CLN8: variants seen among roughly 807,000 people sequenced by gnomAD.
CLN8 encodes protein CLN8.
Under a neutral mutation model 15.7 loss-of-function variants are expected in CLN8, and 14 were observed. The ratio of observed to expected loss-of-function variants is 0.89; its 90% CI spans 0.59 to 1.39. CLN8 has a LOEUF of 1.39. Ranked by LOEUF, CLN8 falls within the 40% of genes most tolerant of loss-of-function variation. The pLI is 0.00. For synonymous variants in CLN8, 188 were observed against 151.0 expected (o/e 1.25, Z -1.80); for missense variants, 415 against 364.0 (o/e 1.14, Z -1.14).
rs201327850 is a variant in CLN8, at chr8:1,771,241, T to C, written c.187T>C (p.Phe63Leu). 9.9e-6 allele frequency: 16 copies of C among 1,613,666 alleles called. No homozygotes were observed. ...TTCTTTGGTGGCCAGAGAGAAGGTC[T>C]TCTGGGACCTGGCGGCCACGCGTGC... ...YRSLVAREKVFWDLAATRAVF... is the reference protein window; with the variant it reads ...YRSLVAREKVLWDLAATRAVF... The change falls in exon 2 of 3, where the codon TTC (phenylalanine) becomes CTC (leucine). Residue 63 changes from phenylalanine to leucine, a missense_variant. By Grantham distance (22) the Phe-to-Leu change is conservative (BLOSUM62 0). Coordinates refer to ENST00000331222, the MANE Select transcript of CLN8 (RefSeq NM_018941.4).
At chr8:1,779,753 C>T (rs1801649665) in intron 2 of CLN8, among the ~76,000 whole-genome samples, 2 of 152,190 alleles carry the variant, frequency 1.3e-5, no homozygotes, top group South Asian at 4.1e-4. Flanking sequence ...TGTGTCCTAG[C>T]ATGGAGGAGG....
rs756041356 is a variant in CLN8 at position 1,771,094 on chromosome 8, T to G, written c.40T>G (p.Phe14Val). The G allele has an allele frequency of 6.2e-7, 1 of 1,614,036 alleles. No individual in the cohort carries two copies. The highest frequency in any genetic ancestry group is 8.5e-7 in the Non-Finnish European group (1 of 1,180,030). ...CGATGGGGGCACATCAGAGAGCATT[T>G]TTGACCTGGACTATGCATCCTGGGG... ...ASDGGTSESIFDLDYASWGIR... is the reference protein window; with the variant it reads ...ASDGGTSESIVDLDYASWGIR... The change falls in exon 2 of 3, where the codon TTT becomes GTT. Residue 14 changes from phenylalanine (F) to valine (V), a missense_variant. Phe to Val is a conservative substitution (Grantham distance 50). Transcript: ENST00000331222.
At position 1,780,721 on chromosome 8, in the gene CLN8, G is replaced by GAAGT; in HGVS notation, c.*156_*159dup. ...TTTCTTTCGCATTAGTATTAATTTT[G>GAAGT]AAGTAGCTACAAAGTATTTTTAAGA... On this transcript the variant is annotated 3_prime_UTR_variant, in exon 3 of 3. Coordinates refer to ENST00000331222, the MANE Select transcript of CLN8 (RefSeq NM_018941.4). 2 of 696,744 alleles carry GAAGT rather than the reference G, an allele frequency of 2.9e-6. No individual in the cohort carries two copies. The highest frequency in any genetic ancestry group is 4.7e-6 in the Non-Finnish European group (2 of 423,104). The allele number at this position is 696,744 out of a possible 1,614,324, so 43.2% of individuals were successfully genotyped here.
intron 1 of CLN8, chr8:1,764,275 C>G (rs1790295325): frequency 6.6e-6 from 1 of 152,244 alleles, no homozygotes; most frequent in African/African-American, 2.4e-5. Flanking sequence ...CCTGCCTGCG[C>G]GGGTTGGGCG....
upstream of CLN8, among the ~76,000 whole-genome samples, chr8:1,753,442 G>T (rs1331323517): frequency 6.6e-6 from 1 of 151,734 alleles, no homozygotes; most frequent in East Asian, 1.9e-4. Context: ...ATGGTGGCAG[G>T]CACCTGTAAT....
upstream of CLN8, chr8:1,759,696 G>A (rs1800747697): frequency 6.6e-6 from 1 of 152,212 alleles, no homozygotes; most frequent in Non-Finnish European, 1.5e-5. Context: ...ATCTGCGGGA[G>A]TCCAGAGACC....
intron 1 of CLN8, among the ~76,000 whole-genome samples, chr8:1,769,504 G>A (rs1294699110): frequency 6.6e-6 from 1 of 152,170 alleles, no homozygotes. Context: ...CGCTGGGTGT[G>A]AGTGACAAGA....
At chr8:1,769,076 T>G (rs530099322) in intron 1 of CLN8, among the ~76,000 whole-genome samples, 1 of 152,328 alleles carries the variant, frequency 6.6e-6, no homozygotes, top group Admixed American at 6.5e-5. Context: ...GTACCAGTGC[T>G]GTCTTTCCCC....
chr8:1,771,460 G>C lies in CLN8; in HGVS notation c.406G>C (p.Val136Leu). ...LIFRTFDLFL[V>L]IHHLFAFLGF... is the part of the protein sequence containing the mutation. The stretch of plus-strand genomic sequence containing the variant: ...CTTCCGGACATTTGACTTGTTTCTG[G>C]TTATCCACCATCTCTTTGCCTTTCT... Residue 136 changes from valine (V) to leucine (L), a missense_variant, in exon 2 of 3, where the codon GTT becomes CTT. Physicochemically the swap from Val to Leu is conservative, Grantham distance 32 (BLOSUM62 1). Transcript: ENST00000331222. The C allele has an allele frequency of 6.2e-7, 1 of 1,614,168 alleles. No homozygotes were observed.
Position 1,777,004 on chromosome 8 carries a change from G to A in CLN8, c.544-3246G>A, listed in dbSNP as rs141453467. On this transcript the variant is annotated intron_variant, in intron 2 of 2. Transcript: ENST00000331222. ...GATACCGTTCCATGTACAGTCATAC[G>A]TTGCTTAACGACGGGCTGTGTTCTG... Among the ~76,000 whole-genome samples, 547 of 152,316 alleles carry A rather than the reference G, an allele frequency of 3.6e-3. 3 individuals carry two copies. The highest frequency in any genetic ancestry group is 5.4e-3 in the Non-Finnish European group (367 of 68,042).
chr8:1,763,205 G>A (rs1323998565), upstream of CLN8: 1 of 151,938 alleles, frequency 6.6e-6, no homozygotes, highest in Non-Finnish European at 1.5e-5. Context: ...GGCTCTTCTG[G>A]AGAACGGCGC....
intron 1 of CLN8, among the ~76,000 whole-genome samples, chr8:1,770,688 C>T (rs1007071744): frequency 6.6e-6 from 1 of 152,116 alleles, no homozygotes; most frequent in Non-Finnish European, 1.5e-5. Flanking sequence ...AGCATAGGAC[C>T]GTGTGTTCCT....
intron 1 of CLN8, among the ~76,000 whole-genome samples, chr8:1,757,640 T>C (rs771520368): frequency 2.0e-5 from 3 of 152,042 alleles, no homozygotes; most frequent in Non-Finnish European, 4.4e-5. Context: ...AAGGTTTCAC[T>C]AGCCTGGTCA....
Position 1,780,404 on chromosome 8 carries a change from T to C in CLN8, c.698T>C (p.Leu233Pro). Residue 233 changes from leucine to proline, a missense_variant, in exon 3 of 3, where the codon CTG becomes CCG. Leu to Pro is a moderately conservative substitution (Grantham distance 98). Coordinates refer to ENST00000331222, the MANE Select transcript of CLN8 (RefSeq NM_018941.4). ...VSSLYLPHLT[L>P]FLVGLALLTL... ...AGCCTGTATCTGCCTCATTTGACAC[T>C]GTTCCTTGTCGGACTGGCTCTGCTT... The C allele has an allele frequency of 6.2e-7, 1 of 1,614,270 alleles. No homozygotes were observed. Among genetic ancestry groups the C allele is most frequent in the Non-Finnish European group, 8.5e-7 (1 of 1,180,046 alleles).
upstream of CLN8, among the ~76,000 whole-genome samples, chr8:1,755,406 G>A (rs549486090): frequency 2.1e-4 from 32 of 152,236 alleles, no homozygotes; most frequent in African/African-American, 7.5e-4. Flanking sequence ...TGGAGCTGTA[G>A]TCTCCAAGCC....
upstream of CLN8, chr8:1,763,158 T>C (rs571635692): frequency 3.6e-4 from 55 of 151,870 alleles, no homozygotes; most frequent in African/African-American, 1.3e-3. Flanking sequence ...AGGCTCCGGC[T>C]CCGTCCACAC....
At position 1,771,516 on chromosome 8, in the gene CLN8, A is replaced by T. The variant is rs1366343262; in HGVS notation, c.462A>T (p.Gln154His). The T allele has an allele frequency of 2.5e-6, 4 of 1,614,028 alleles. No homozygotes were observed. The East Asian group carries it at 8.9e-5, about 36-fold the overall frequency. ...TTCTTGGCTGCTTGGTCAATCTCCA[A>T]GCTGGCCACTATCTAGCTATGACCA... ...LGFLGCLVNLQAGHYLAMTTL... is the reference protein window; with the variant it reads ...LGFLGCLVNLHAGHYLAMTTL... The change falls in exon 2 of 3, where the codon CAA becomes CAT. Residue 154 changes from glutamine to histidine, a missense_variant. Physicochemically the swap from Gln to His is conservative, Grantham distance 24. Transcript: ENST00000331222.
chr8:1,771,099 C>T lies in CLN8; in HGVS notation c.45C>T (p.Asp15=), dbSNP rs779899858. 9.9e-6 allele frequency: 16 copies of T among 1,613,882 alleles called. No homozygotes were observed. Among genetic ancestry groups the T allele is most frequent in the Admixed American group, 1.7e-5 (1 of 59,984 alleles). The change falls in exon 2 of 3, where the codon GAC becomes GAT. Residue 15 remains aspartate, a synonymous_variant. Coordinates refer to ENST00000331222, the MANE Select transcript of CLN8 (RefSeq NM_018941.4). ...SDGGTSESIF[D]LDYASWGIRS... ...GGGGCACATCAGAGAGCATTTTTGA[C>T]CTGGACTATGCATCCTGGGGGATCC...
intron 1 of CLN8, among the ~76,000 whole-genome samples, chr8:1,757,785 A>G (rs1156729835): frequency 6.6e-6 from 1 of 152,130 alleles, no homozygotes; most frequent in Non-Finnish European, 1.5e-5. Context: ...TGTTATGCCA[A>G]TGGCTTCGTC....
Sources: allele counts gnomAD v4.1 joint callset (sites outside exome capture counted in the v4.1 genomes callset), GRCh38; gene constraint gnomAD v4.1.1; transcripts MANE v1.5; gene names NCBI Gene and HGNC (gene_info 2026-07-23, HGNC 2026-07-21).